The following DOCK9 variants were observed in gnomAD, a reference collection of about 807,000 sequenced individuals.
The protein encoded by DOCK9 is dedicator of cytokinesis protein 9.
In DOCK9, 89 loss-of-function variants were observed where a neutral mutation model predicts 263.3. That is an observed-to-expected ratio of 0.34 (90% confidence interval 0.28 to 0.40). The LOEUF (loss-of-function observed/expected upper bound fraction) is 0.40, where lower values mean the gene tolerates loss of function less well. Ranked by LOEUF, DOCK9 falls within the 10% of genes least tolerant of loss-of-function variation. The pLI, the probability that DOCK9 is intolerant of heterozygous loss-of-function variation, is 1.00. For missense variants in DOCK9, 2,140 were observed against 2,603.4 expected (o/e 0.82, Z 3.87); for synonymous variants, 976 against 973.1 (o/e 1.00, Z -0.06).
At chr13:99,083,894 T>A (rs925990952) in intron 1 of DOCK9, among the ~76,000 whole-genome samples, 16 of 152,252 alleles carry the variant, frequency 1.1e-4, no homozygotes, top group Admixed American at 5.2e-4. Context: ...TAATTTTTTT[T>A]AAATCCATCT....
chr13:99,081,216 C>T (rs1414123987), intron 1 of DOCK9, among the ~76,000 whole-genome samples: 1 of 152,106 alleles, frequency 6.6e-6, no homozygotes, highest in Non-Finnish European at 1.5e-5. Context: ...CGAGATTTTA[C>T]CTTACTTGAG....
At chr13:98,886,978 C>A (rs2045802705) in intron 18 of DOCK9, among the ~76,000 whole-genome samples, 1 of 152,010 alleles carries the variant, frequency 6.6e-6, no homozygotes, top group African/African-American at 2.4e-5. Context: ...AAATTGTCAA[C>A]TCCTTCCATG....
In DOCK9 at chr13:98,848,638, C is replaced by T. The variant is rs750216355; in HGVS notation, c.4015G>A (p.Val1339Ile). ...ATGTACTGGAACTGGTGCAGGCAGA[C>T]TCTGCAGGCAAGATGAAAAATTATT... ...ELMDFFTISEVCLHQFQYMGK... is the reference protein window; with the variant it reads ...ELMDFFTISEICLHQFQYMGK... The change falls in exon 37 of 53, where the codon GTC becomes ATC. Residue 1339 changes from valine to isoleucine, a missense_variant and splice_region_variant. By Grantham distance (29) the Val-to-Ile change is conservative. Coordinates refer to ENST00000682017, the MANE Select transcript of DOCK9 (RefSeq NM_001366683.2). 1.4e-5 allele frequency: 22 copies of T among 1,611,938 alleles called. No individual in the cohort carries two copies. Among genetic ancestry groups the T allele is most frequent in the Non-Finnish European group, 1.9e-5 (22 of 1,179,240 alleles).
rs764079858 is a variant in DOCK9, at chr13:98,805,205, T to G, written c.5519A>C (p.Asn1840Thr). The stretch of plus-strand genomic sequence containing the variant: ...ATACTTAGAATCCAGATCCTTAGGG[T>G]TGACCTTTAATTGAAACAGCACAAT... ...VKMIQDSGKV[N>T]PKDLDSKYAY... The change falls in exon 49 of 53, where the codon AAC becomes ACC. Residue 1840 changes from asparagine (N) to threonine (T), a missense_variant. By Grantham distance (65) the Asn-to-Thr change is moderately conservative. Transcript: ENST00000682017. The G allele has an allele frequency of 1.3e-6, 2 of 1,592,868 alleles. No individual in the cohort carries two copies. The highest frequency in any genetic ancestry group is 2.7e-5 in the African/African-American group (2 of 74,716).
intron 1 of DOCK9, among the ~76,000 whole-genome samples, chr13:99,003,830 A>G (rs916550607): frequency 1.2e-4 from 19 of 152,298 alleles, no homozygotes; most frequent in African/African-American, 4.3e-4. Context: ...CCTGCAGGAT[A>G]AGTACAGTAT....
intron 46 of DOCK9, among the ~76,000 whole-genome samples, chr13:98,809,707 G>C (rs2091116285): frequency 6.6e-6 from 1 of 152,178 alleles, no homozygotes; most frequent in Admixed American, 6.5e-5. Context: ...CTGTTTTCAA[G>C]TTAAGATGCG....
chr13:98,965,178 G>A (rs1434645812), intron 1 of DOCK9, among the ~76,000 whole-genome samples: 1 of 152,096 alleles, frequency 6.6e-6, no homozygotes, highest in Non-Finnish European at 1.5e-5. Flanking sequence ...ACAGGAGGAG[G>A]GGTGGAGAGA....
At chr13:98,861,293 G>T (rs1594760494) in intron 32 of DOCK9, among the ~76,000 whole-genome samples, 1 of 152,262 alleles carries the variant, frequency 6.6e-6, no homozygotes, top group East Asian at 1.9e-4. Context: ...GAGGTGAAGA[G>T]GTAGTGTAAA....
At chr13:98,819,951 C>G (rs1169271530) in intron 45 of DOCK9, among the ~76,000 whole-genome samples, 1 of 152,210 alleles carries the variant, frequency 6.6e-6, no homozygotes, top group Non-Finnish European at 1.5e-5. Flanking sequence ...TTACATTCAG[C>G]AGCAATTCTG....
intron 1 of DOCK9, among the ~76,000 whole-genome samples, chr13:99,032,980 G>C (rs1416866245): frequency 6.6e-6 from 1 of 152,154 alleles, no homozygotes; most frequent in Non-Finnish European, 1.5e-5. Flanking sequence ...GATTCCAGTA[G>C]TCTAAGTAAG....
At chr13:99,063,001 C>A (rs1330417536) in intron 1 of DOCK9, among the ~76,000 whole-genome samples, 1 of 152,282 alleles carries the variant, frequency 6.6e-6, no homozygotes, top group East Asian at 1.9e-4. Context: ...AAAGACAAAC[C>A]AGCCACTGTC....
intron 9 of DOCK9, among the ~76,000 whole-genome samples, chr13:98,908,553 G>A (rs1231979736): frequency 6.6e-6 from 1 of 152,166 alleles, no homozygotes; most frequent in Non-Finnish European, 1.5e-5. Context: ...ATGTATGTAA[G>A]GGGGAACCAG....
intron 2 of DOCK9, chr13:98,950,167 C>G: frequency 1.3e-6 from 1 of 759,076 alleles, no homozygotes; most frequent in Non-Finnish European, 2.1e-6. Flanking sequence ...ACCATTAATT[C>G]TTTGGATGCG....
chr13:98,986,741 G>A (rs1014585907), intron 1 of DOCK9, among the ~76,000 whole-genome samples: 4 of 152,160 alleles, frequency 2.6e-5, no homozygotes, highest in South Asian at 2.1e-4. Flanking sequence ...AGAAAACACT[G>A]CCAGATAGTT....
In DOCK9 at chr13:98,804,945, A is replaced by G. The variant is rs1448981818; in HGVS notation, c.5725+54T>C. 7.1e-6 allele frequency: 11 copies of G among 1,540,138 alleles called. No individual in the cohort carries two copies. In the East Asian group the frequency reaches 9.7e-5, roughly 14 times the overall value. On this transcript the variant is annotated intron_variant, in intron 49 of 52. Transcript: ENST00000682017. ...CTGAAGCTTCTGAATCCCTCTGGAC[A>G]GCTCTTTGGCGAGGTGTCCGGGCTC...
At chr13:98,963,085 C>T (rs1354392727) in intron 1 of DOCK9, among the ~76,000 whole-genome samples, 1 of 152,300 alleles carries the variant, frequency 6.6e-6, no homozygotes, top group Non-Finnish European at 1.5e-5. Context: ...AGGTGAGCCA[C>T]TGATACCGAG....
intron 30 of DOCK9, among the ~76,000 whole-genome samples, chr13:98,866,794 A>G (rs1036966157): frequency 2.0e-5 from 3 of 152,200 alleles, no homozygotes; most frequent in Admixed American, 1.3e-4. Context: ...TTGGGGGTGA[A>G]GCAGGGATGT....
rs150060490 is a variant in DOCK9 at position 98,947,797 on chromosome 13, C to T, written c.243+7638G>A. Reference sequence around the variant, plus strand: ...CTAGGATTACAGGCGTGAGCCACTGCACCCGGCCCAGAAATATAATTTATC... The same window carrying T: ...CTAGGATTACAGGCGTGAGCCACTGTACCCGGCCCAGAAATATAATTTATC... On this transcript the variant is annotated intron_variant, in intron 2 of 52. Transcript: ENST00000682017. Among the ~76,000 whole-genome samples, 573 of 152,308 alleles carry T rather than the reference C, an allele frequency of 3.8e-3. 4 individuals carry two copies. The highest frequency in any genetic ancestry group is 0.013 in the African/African-American group (547 of 41,566).
At chr13:98,809,197 A>G (rs1257676706) in intron 47 of DOCK9, 155 bp downstream of exon 47, 3 of 1,323,634 alleles carry the variant, frequency 2.3e-6, no homozygotes, top group Non-Finnish European at 3.1e-6. Flanking sequence ...TGAGGAAGAT[A>G]AGAATCATAC....
Sources: allele counts gnomAD v4.1 joint callset (sites outside exome capture counted in the v4.1 genomes callset), GRCh38; gene constraint gnomAD v4.1.1; transcripts MANE v1.5; gene names NCBI Gene and HGNC (gene_info 2026-07-23, HGNC 2026-07-21).